Variants in WDPCP observed in about 807,000 individuals in gnomAD.
WDPCP encodes the protein WD repeat containing planar cell polarity effector, also known as WD repeat-containing and planar cell polarity effector protein fritz homolog.
In WDPCP, 71 loss-of-function variants were observed where a neutral mutation model predicts 93.1. The ratio of observed to expected loss-of-function variants is 0.76; its 90% CI spans 0.63 to 0.93. The LOEUF is 0.93. Ranked by LOEUF, WDPCP falls within the 40% of genes least tolerant of loss-of-function variation. The pLI is 0.00. For synonymous variants in WDPCP, 315 were observed against 315.0 expected (o/e 1.00, Z 0.00); for missense variants, 844 against 887.4 (o/e 0.95, Z 0.62).
In WDPCP at chr2:63,826,262, T is replaced by G. The variant is rs906711289; in HGVS notation, n.222+1360A>C. On this transcript the variant is annotated intron_variant and non_coding_transcript_variant, in intron 1 of 4. Coordinates refer to the WDPCP transcript ENST00000467687. ...TTGCCTACTAGGAGAGTTTTTGCTT[T>G]GCTTAATTTAATACATATCCTCAGA... 4.4e-4 allele frequency among the ~76,000 whole-genome samples: 67 copies of G among 152,168 alleles called. 1 individual carries two copies. The highest frequency in any genetic ancestry group is 1.6e-3 in the African/African-American group (66 of 41,518).
chr2:63,296,841 CAGTATTGTTAAAATG>C (rs1268395910), intron 13 of WDPCP, among the ~76,000 whole-genome samples: 2 of 152,078 alleles, frequency 1.3e-5, no homozygotes, highest in African/African-American at 4.8e-5. Context: ...TTTGAAAAAT[CAGTATTGTTAAAATG>C]ACCACACAGC....
intron 2 of WDPCP, among the ~76,000 whole-genome samples, chr2:63,669,771 G>C (rs914898699): frequency 5.9e-5 from 9 of 152,104 alleles, no homozygotes; most frequent in African/African-American, 2.2e-4. Context: ...TTCTTGCTTG[G>C]TCAGGGCTCC....
chr2:63,584,464 G>T lies in WDPCP; in HGVS notation c.75+3733C>A, dbSNP rs557268758. 2.0e-5 allele frequency among the ~76,000 whole-genome samples: 3 copies of T among 152,036 alleles called. No homozygotes were observed. The South Asian group carries it at 6.2e-4, about 31-fold the overall frequency. ...TTTTGATGCTCATCCATGTTGGTGT[G>T]TAGCTATATTCATTTTCAATGAATC... On this transcript the variant is annotated intron_variant, in intron 1 of 17. Coordinates refer to ENST00000272321, the MANE Select transcript of WDPCP (RefSeq NM_015910.7).
At chr2:63,238,408 A>C (rs1314765434) in intron 14 of WDPCP, among the ~76,000 whole-genome samples, 1 of 152,198 alleles carries the variant, frequency 6.6e-6, no homozygotes, top group Admixed American at 6.6e-5. Flanking sequence ...AATTTCAATT[A>C]AATTAAAAAA....
Position 63,241,485 on chromosome 2 carries a change from G to A in WDPCP, c.1915+17822C>T, listed in dbSNP as rs570863037. On this transcript the variant is annotated intron_variant, in intron 14 of 17. Transcript: ENST00000272321. ...CTGCTTTTGTAGCTTCAGTTTAGAA[G>A]AATTTTGTATTTACAATAAGATATT... Among the ~76,000 whole-genome samples the A allele has an allele frequency of 1.5e-4, 23 of 152,246 alleles. 1 individual carries two copies. The South Asian group carries it at 4.4e-3, about 29-fold the overall frequency.
Position 63,290,261 on chromosome 2 carries a change from C to T in WDPCP, c.1812+22987G>A, listed in dbSNP as rs867047905. ...TACATTTTTTTTAAAATCCTCTTGG[C>T]ACCATAATATGCAATTTTAACTTAT... is the stretch of plus-strand genomic sequence containing the variant. On this transcript the variant is annotated intron_variant, in intron 13 of 17. Transcript: ENST00000272321. 2.0e-5 allele frequency among the ~76,000 whole-genome samples: 3 copies of T among 152,024 alleles called. No individual in the cohort carries two copies. In the Middle Eastern group the frequency reaches 0.01, roughly 517 times the overall value.
intron 4 of WDPCP, 99 bp from the exon 5 acceptor site, chr2:63,485,086 A>C (rs1700490508): frequency 8.0e-7 from 1 of 1,249,126 alleles, no homozygotes; most frequent in Non-Finnish European, 1.2e-6. Flanking sequence ...AAACACCTCT[A>C]TAATCGAGAG....
At chr2:63,288,450 A>C (rs1050697980) in intron 13 of WDPCP, among the ~76,000 whole-genome samples, 14 of 152,224 alleles carry the variant, frequency 9.2e-5, no homozygotes, top group African/African-American at 3.4e-4. Flanking sequence ...CAAACCACAC[A>C]GCATCTATTG....
chr2:63,329,715 G>T (rs1299675047), intron 12 of WDPCP, among the ~76,000 whole-genome samples: 1 of 151,536 alleles, frequency 6.6e-6, no homozygotes, highest in Admixed American at 6.6e-5. Context: ...AATTTTTTTG[G>T]TACCCTTTGC....
intron 3 of WDPCP, among the ~76,000 whole-genome samples, chr2:63,640,707 T>C (rs1709972258): frequency 1.3e-5 from 2 of 152,158 alleles, no homozygotes; most frequent in South Asian, 2.1e-4. Flanking sequence ...TAAGTGTATA[T>C]ATTTATCAGG....
chr2:63,575,416 A>G (rs376233141), intron 1 of WDPCP, among the ~76,000 whole-genome samples: 5 of 22,708 alleles, frequency 2.2e-4, no homozygotes, highest in African/African-American at 5.8e-4. Context: ...TACAGTATAT[A>G]CACTGTATAC....
chr2:63,357,104 A>G (rs1049629006), intron 12 of WDPCP, among the ~76,000 whole-genome samples: 1 of 152,128 alleles, frequency 6.6e-6, no homozygotes, highest in Non-Finnish European at 1.5e-5. Flanking sequence ...TCTTCTTTAC[A>G]TCATACAAAA....
In WDPCP at chr2:63,468,274, C is replaced by G. The variant is rs193022990; in HGVS notation, c.384+16330G>C. On this transcript the variant is annotated intron_variant, in intron 6 of 17. Coordinates refer to ENST00000272321, the MANE Select transcript of WDPCP (RefSeq NM_015910.7). ...TTCATCATCTTTCACATCTCCCCCA[C>G]AAATCTCTCACATGGCTAGTACTAT... is the stretch of plus-strand genomic sequence containing the variant. Among the ~76,000 whole-genome samples the G allele has an allele frequency of 1.5e-3, 236 of 152,294 alleles. 1 individual carries two copies. The highest frequency in any genetic ancestry group is 5.0e-3 in the African/African-American group (208 of 41,560).
At chr2:63,251,770 C>T (rs1336869205) in intron 14 of WDPCP, among the ~76,000 whole-genome samples, 5 of 151,894 alleles carry the variant, frequency 3.3e-5, no homozygotes, top group African/African-American at 9.7e-5. Flanking sequence ...GGATTACAGG[C>T]GTGAGCCACC....
At chr2:63,634,613 T>A (rs1575735168) in intron 3 of WDPCP, among the ~76,000 whole-genome samples, 1 of 152,302 alleles carries the variant, frequency 6.6e-6, no homozygotes, top group East Asian at 1.9e-4. Flanking sequence ...GTAGATCATA[T>A]GTCAGGCTAC....
At chr2:63,163,438 C>T (rs1672762783) in intron 15 of WDPCP, among the ~76,000 whole-genome samples, 1 of 152,126 alleles carries the variant, frequency 6.6e-6, no homozygotes, top group African/African-American at 2.4e-5. Context: ...ACATAAAGCA[C>T]CTGGTGGGCA....
chr2:63,386,970 C>A (rs1692785329), intron 10 of WDPCP, among the ~76,000 whole-genome samples: 1 of 152,036 alleles, frequency 6.6e-6, no homozygotes. Context: ...AGACCAATAA[C>A]AAGCTCCAAA....
At chr2:63,734,862 T>TAGAC (rs771878350) in intron 2 of WDPCP, among the ~76,000 whole-genome samples, 2 of 123,968 alleles carry the variant, frequency 1.6e-5, no homozygotes, top group African/African-American at 3.3e-5. Context: ...TAGATGGAGA[T>TAGAC]AGATAGATAG....
At chr2:63,210,113 A>G (rs1027228665) in intron 14 of WDPCP, among the ~76,000 whole-genome samples, 1 of 151,730 alleles carries the variant, frequency 6.6e-6, no homozygotes, top group Non-Finnish European at 1.5e-5. Flanking sequence ...TAAAATTAAG[A>G]TAAAATTAAT....
Sources: allele counts gnomAD v4.1 joint callset (sites outside exome capture counted in the v4.1 genomes callset), GRCh38; gene constraint gnomAD v4.1.1; transcripts MANE v1.5; gene names NCBI Gene and HGNC (gene_info 2026-07-23, HGNC 2026-07-21).